POLD4: variants seen among roughly 807,000 people sequenced by gnomAD.
POLD4 encodes DNA polymerase delta 4, accessory subunit, also known as DNA polymerase delta subunit 4.
A neutral mutation model predicts 16.5 loss-of-function variants in POLD4; 9 were observed. The ratio of observed to expected loss-of-function variants is 0.55; its 90% confidence interval spans 0.33 to 0.95. The LOEUF (loss-of-function observed/expected upper bound fraction) is 0.95, where lower values mean the gene tolerates loss of function less well. Among genes scored for constraint, POLD4 ranks in the 40% least tolerant of loss-of-function variants. POLD4 has a pLI of 0.03. For missense variants in POLD4, 129 were observed against 139.7 expected (o/e 0.92, Z 0.39); for synonymous variants, 62 against 57.6 (o/e 1.08, Z -0.35).
Position 67,353,366 on chromosome 11 carries a change from G to C in POLD4, c.34C>G (p.Pro12Ala), listed in dbSNP as rs1861922090. Residue 12 changes from proline (P) to alanine (A), a missense_variant, in exon 1 of 4, where the codon CCG becomes GCG. Pro to Ala is a conservative substitution (Grantham distance 27). Transcript: ENST00000312419. Reference sequence around the variant, plus strand: ...GGCCCCTCCCTCCTCTTCACAACCGGGTAGGAATCAGTGATGAGCCGCTTC... The same window carrying C: ...GGCCCCTCCCTCCTCTTCACAACCGCGTAGGAATCAGTGATGAGCCGCTTC... ...GRKRLITDSY[P>A]VVKRREGPAG... 2 of 1,612,450 alleles carry C rather than the reference G, an allele frequency of 1.2e-6. No individual in the cohort carries two copies. The highest frequency in any genetic ancestry group is 1.7e-6 in the Non-Finnish European group (2 of 1,180,010).
chr11:67,352,660 C>A (rs771932144), intron 3 of POLD4, 31 bp downstream of exon 3: 7 of 1,563,152 alleles, frequency 4.5e-6, no homozygotes, highest in Non-Finnish European at 5.3e-6. Context: ...GGCCCTGGCT[C>A]CCCTGAAAGC....
rs1861875017 is a variant in POLD4 at position 67,351,902 on chromosome 11, T to G, written c.*93A>C. 3 of 1,397,306 alleles carry G rather than the reference T, an allele frequency of 2.1e-6. No individual in the cohort carries two copies. Among genetic ancestry groups the G allele is most frequent in the Non-Finnish European group, 3.0e-6 (3 of 1,007,640 alleles). 86.6% of individuals were successfully genotyped at this position (1,397,306 alleles called of 1,614,324 possible). ...GCCAAGGGTTCCTCCGCAGCCGGGCTGAGCTGAGCAGGAGCAATGGGCTCT... is the reference window on the plus strand; with the variant it reads ...GCCAAGGGTTCCTCCGCAGCCGGGCGGAGCTGAGCAGGAGCAATGGGCTCT... On this transcript the variant is annotated 3_prime_UTR_variant, in exon 4 of 4. Coordinates refer to ENST00000312419, the MANE Select transcript of POLD4 (RefSeq NM_021173.5). This position sits in a 1 kb window ranked among gnomAD's most constrained non-coding sequence, Gnocchi z 4.8.
At position 67,350,832 on chromosome 11, in the gene POLD4, G is replaced by C. The variant is rs1458490998; in HGVS notation, c.*1163C>G. 7 of 150,496 alleles carry C rather than the reference G, an allele frequency of 4.7e-5. No homozygotes were observed. Among genetic ancestry groups the C allele is most frequent in the African/African-American group, 1.7e-4 (7 of 40,812 alleles). 9.3% of individuals were successfully genotyped at this position (150,496 alleles called of 1,614,324 possible). ...CTCTCTCTGTCACCCAGGCTGGAGTGCAGTGATGCGGTCTCAGCTCACTGC... is the reference window on the plus strand; with the variant it reads ...CTCTCTCTGTCACCCAGGCTGGAGTCCAGTGATGCGGTCTCAGCTCACTGC... On this transcript the variant is annotated 3_prime_UTR_variant, in exon 4 of 4. Coordinates refer to ENST00000312419, the MANE Select transcript of POLD4 (RefSeq NM_021173.5).
chr11:67,353,395 C>T lies in POLD4; in HGVS notation c.5G>A (p.Gly2Asp). 1 of 1,610,374 alleles carries T rather than the reference C, an allele frequency of 6.2e-7. No homozygotes were observed. The change falls in exon 1 of 4, where the codon GGC (glycine) becomes GAC (aspartate). Residue 2 changes from glycine to aspartate, a missense_variant. Gly to Asp is a moderately conservative substitution (Grantham distance 94). Transcript: ENST00000312419. M[G>D]RKRLITDSYP... ...GGAATCAGTGATGAGCCGCTTCCGG[C>T]CCATGGCGGCCACCCAGGCAGGCAG...
rs1861905098 is a variant in POLD4 at position 67,352,914 on chromosome 11, C to A, written c.187+74G>T. 8 of 1,427,750 alleles carry A rather than the reference C, an allele frequency of 5.6e-6. No homozygotes were observed. In the South Asian group the frequency reaches 1.1e-4, roughly 19 times the overall value. 88.4% of individuals were successfully genotyped at this position (1,427,750 alleles called of 1,614,324 possible). On this transcript the variant is annotated intron_variant, in intron 2 of 3. Coordinates refer to ENST00000312419, the MANE Select transcript of POLD4 (RefSeq NM_021173.5). ...TTCCTGAGGGTCAGAGTCACGCAAG[C>A]GCTTGGGTGACTTCAGAGACGTGTG...
In POLD4 at chr11:67,352,690, C is replaced by T; in HGVS notation, c.299+1G>A. 1 of 1,611,626 alleles carries T rather than the reference C, an allele frequency of 6.2e-7. No individual in the cohort carries two copies. Among genetic ancestry groups the T allele is most frequent in the Non-Finnish European group, 8.5e-7 (1 of 1,179,166 alleles). On this transcript the variant is annotated splice_donor_variant, in intron 3 of 3. Transcript: ENST00000312419. LOFTEE classifies it high-confidence loss of function. ...GAAAGCCCTCCCGGCCTGTCTCTGACCTGCACTGGAAGCGGGGGTCTCCGG... is the reference window on the plus strand; with the variant it reads ...GAAAGCCCTCCCGGCCTGTCTCTGATCTGCACTGGAAGCGGGGGTCTCCGG...
intron 3 of POLD4, 133 bp downstream of exon 3, chr11:67,352,558 C>T (rs564959795): frequency 1.6e-6 from 1 of 632,132 alleles, no homozygotes; most frequent in South Asian, 2.0e-5. Flanking sequence ...CCAGGCACCT[C>T]ATAGAATCTT....
At position 67,350,813 on chromosome 11, in the gene POLD4, C is replaced by CT. The variant is rs1861852070; in HGVS notation, c.*1181dup. 1 of 149,692 alleles carries CT rather than the reference C, an allele frequency of 6.7e-6. No individual in the cohort carries two copies. Among genetic ancestry groups the CT allele is most frequent in the Non-Finnish European group, 1.5e-5 (1 of 67,640 alleles). 9.3% of individuals were successfully genotyped at this position (149,692 alleles called of 1,614,324 possible). On this transcript the variant is annotated 3_prime_UTR_variant, in exon 4 of 4. Coordinates refer to ENST00000312419, the MANE Select transcript of POLD4 (RefSeq NM_021173.5). The stretch of plus-strand genomic sequence containing the variant: ...TTATTTTTTGAGACGGGGTCTCTCT[C>CT]TGTCACCCAGGCTGGAGTGCAGTGA...
intron 1 of POLD4, 92 bp downstream of exon 1, chr11:67,353,211 C>A: frequency 6.5e-7 from 1 of 1,536,730 alleles, no homozygotes; most frequent in South Asian, 1.1e-5. Flanking sequence ...GACAGGCCAC[C>A]TTTCCCTTTC....
At chr11:67,352,426 C>T (rs1436196230) in intron 3 of POLD4, 7 of 404,812 alleles carry the variant, frequency 1.7e-5, no homozygotes, top group Admixed American at 8.2e-5. Context: ...AGGAGAATGG[C>T]GTGAACCCGA....
rs992683833 is a variant in POLD4, at chr11:67,352,556, C to T, written c.299+135G>A. 5 of 625,984 alleles carry T rather than the reference C, an allele frequency of 8.0e-6. No homozygotes were observed. The African/African-American group carries it at 9.4e-5, about 12-fold the overall frequency. 38.8% of individuals were successfully genotyped at this position (625,984 alleles called of 1,614,324 possible). On this transcript the variant is annotated intron_variant, in intron 3 of 3. Transcript: ENST00000312419. ...TGGCGTGTCCTCCTGAGCCAGGCAC[C>T]TCATAGAATCTTCTTGCCTGTTCAG...
chr11:67,351,974 C>T lies in POLD4; in HGVS notation c.*21G>A. On this transcript the variant is annotated 3_prime_UTR_variant, in exon 4 of 4. Coordinates refer to ENST00000312419, the MANE Select transcript of POLD4 (RefSeq NM_021173.5). This position sits in a 1 kb window ranked among gnomAD's most constrained non-coding sequence, Gnocchi z 4.8. Reference sequence around the variant, plus strand: ...GGGTGGTGAGCAAGAGAGCTAAGGGCAGGAGGTCTTACGTGGTGCCTCATA... The same window carrying T: ...GGGTGGTGAGCAAGAGAGCTAAGGGTAGGAGGTCTTACGTGGTGCCTCATA... 4 of 1,353,066 alleles carry T rather than the reference C, an allele frequency of 3.0e-6. No homozygotes were observed. Among genetic ancestry groups the T allele is most frequent in the Non-Finnish European group, 3.9e-6 (4 of 1,025,270 alleles). 83.8% of individuals were successfully genotyped at this position (1,353,066 alleles called of 1,614,324 possible).
Position 67,352,703 on chromosome 11 carries a change from C to CG in POLD4, c.286dup (p.Arg96ProfsTer67), listed in dbSNP as rs1565101343. ...GCCTGTCTCTGACCTGCACTGGAAG[C>CG]GGGGGTCTCCGGGGTGGGTCTTCAG... On this transcript the variant is annotated frameshift_variant, in exon 3 of 4. Transcript: ENST00000312419. LOFTEE classifies it high-confidence loss of function. The CG allele has an allele frequency of 6.2e-7, 1 of 1,612,420 alleles. No individual in the cohort carries two copies. Among genetic ancestry groups the CG allele is most frequent in the Admixed American group, 1.7e-5 (1 of 59,938 alleles).
intron 3 of POLD4, 98 bp from the exon 4 acceptor site, chr11:67,352,117 A>C (rs1440202197): frequency 1.8e-5 from 18 of 992,912 alleles, no homozygotes; most frequent in Non-Finnish European, 2.8e-5. Context: ...TCACCAGCTT[A>C]TTCTTGGCCA....
At position 67,353,487 on chromosome 11, in the gene POLD4, GAGAC is replaced by G; in HGVS notation, c.-92_-89del. On this transcript the variant is annotated 5_prime_UTR_variant, in exon 1 of 4. Transcript: ENST00000312419. ...GGCGCGAGAAAGACAGCTGCTGAGA[GAGAC>G]AGACGGGGCCAGGCCAGCGGCGGGC... The G allele has an allele frequency of 8.5e-7, 1 of 1,169,742 alleles. No homozygotes were observed. The highest frequency in any genetic ancestry group is 1.2e-6 in the Non-Finnish European group (1 of 818,888). The allele number at this position is 1,169,742 out of a possible 1,614,324, so 72.5% of individuals were successfully genotyped here. A position where few individuals can be genotyped will look rare whatever the true frequency, so the allele number is the denominator to read the frequency against.
chr11:67,352,829 A>T, intron 2 of POLD4, 27 bp from the exon 3 acceptor site: 1 of 1,555,830 alleles, frequency 6.4e-7, no homozygotes. Flanking sequence ...AAGACTCTGG[A>T]GACTTGTGGG....
intron 2 of POLD4, 53 bp downstream of exon 2, chr11:67,352,935 G>A: frequency 4.7e-6 from 7 of 1,476,570 alleles, no homozygotes; most frequent in Middle Eastern, 1.8e-4. Flanking sequence ...CTTCAGAGAC[G>A]TGTGGGTGAC....
chr11:67,352,848 T>G, intron 2 of POLD4, 46 bp from the exon 3 acceptor site: 2 of 1,476,548 alleles, frequency 1.4e-6, no homozygotes, highest in Non-Finnish European at 1.9e-6. Flanking sequence ...GGGGGTGGGG[T>G]AGAGTCTGAG....
chr11:67,353,418 C>A lies in POLD4; in HGVS notation c.-19G>T. The A allele has an allele frequency of 6.2e-7, 1 of 1,605,460 alleles. No individual in the cohort carries two copies. Among genetic ancestry groups the A allele is most frequent in the Non-Finnish European group, 8.5e-7 (1 of 1,177,942 alleles). ...GGCCCATGGCGGCCACCCAGGCAGG[C>A]AGAGAAGGAGGCAACTGCGGGGAAG... On this transcript the variant is annotated 5_prime_UTR_variant, in exon 1 of 4. Transcript: ENST00000312419.
Sources: allele counts gnomAD v4.1 joint callset, GRCh38; gene constraint gnomAD v4.1.1; non-coding constraint Gnocchi (gnomAD v3.1); transcripts MANE v1.5; gene names NCBI Gene and HGNC (gene_info 2026-07-23, HGNC 2026-07-21).